The following IREB2 variants were observed in gnomAD, a reference collection of about 807,000 sequenced individuals.
The protein encoded by IREB2 is iron responsive element binding protein 2.
IREB2 carries 39 observed loss-of-function variants against 118.8 expected under a neutral mutation model. The observed-to-expected ratio is 0.33, with a 90% CI of 0.25 to 0.43. The LOEUF (loss-of-function observed/expected upper bound fraction) is 0.43. Among genes scored for constraint, IREB2 ranks in the 20% least tolerant of loss-of-function variants. IREB2 has a pLI of 1.00. For synonymous variants in IREB2, 372 were observed against 392.2 expected, an observed-to-expected ratio of 0.95 and a Z score of 0.61; for missense variants, 900 against 1,147.3, an observed-to-expected ratio of 0.78 and a Z score of 3.11.
chr15:78,466,005 G>T (rs994965636), intron 4 of IREB2, among the ~76,000 whole-genome samples: 1 of 152,130 alleles, frequency 6.6e-6, no homozygotes, highest in Non-Finnish European at 1.5e-5. Flanking sequence ...CTTGCTAAAA[G>T]TTATTTAAAT....
intron 20 of IREB2, 138 bp from the exon 21 acceptor site, chr15:78,496,988 G>C: frequency 1.6e-6 from 1 of 635,134 alleles, no homozygotes; most frequent in Non-Finnish European, 2.8e-6. Context: ...TAAATACTTT[G>C]ATAAAATATT....
chr15:78,443,910 T>G (rs2050885618), intron 2 of IREB2, among the ~76,000 whole-genome samples: 1 of 152,146 alleles, frequency 6.6e-6, no homozygotes, highest in Non-Finnish European at 1.5e-5. Flanking sequence ...CCTCCCAAAG[T>G]GCTGGGATTA....
chr15:78,453,263 G>A (rs1459783174), intron 2 of IREB2, among the ~76,000 whole-genome samples: 11 of 152,220 alleles, frequency 7.2e-5, no homozygotes, highest in Non-Finnish European at 1.2e-4. Context: ...GTGGAATCCA[G>A]TAGAAAGAGT....
Position 78,483,314 on chromosome 15 carries a change from T to C in IREB2, c.1297-4T>C. 7.4e-7 allele frequency: 1 copy of C among 1,349,674 alleles called. No homozygotes were observed. The highest frequency in any genetic ancestry group is 1.1e-6 in the Non-Finnish European group (1 of 941,480). 83.6% of individuals were successfully genotyped at this position (1,349,674 alleles called of 1,614,324 possible). A position where few individuals can be genotyped will look rare whatever the true frequency, so the allele number is the denominator to read the frequency against. On this transcript the variant is annotated splice_polypyrimidine_tract_variant and splice_region_variant and intron_variant, in intron 10 of 21. Transcript: ENST00000258886. ...CCTTGTTCTTTCTCTTTCTCATTTCTTAGGTGATCCAGATTAATCTGAATT... is the reference window on the plus strand; with the variant it reads ...CCTTGTTCTTTCTCTTTCTCATTTCCTAGGTGATCCAGATTAATCTGAATT...
chr15:78,439,212 A>T (rs749285129), intron 1 of IREB2, among the ~76,000 whole-genome samples: 1 of 152,196 alleles, frequency 6.6e-6, no homozygotes. Context: ...AGAATATGCT[A>T]ATTTCCTAGA....
At chr15:78,439,048 G>C (rs1385998615) in intron 1 of IREB2, among the ~76,000 whole-genome samples, 1 of 152,134 alleles carries the variant, frequency 6.6e-6, no homozygotes, top group Non-Finnish European at 1.5e-5. Flanking sequence ...CTGCACAAAA[G>C]ATCTGAAGGT....
Position 78,465,400 on chromosome 15 carries a change from C to T in IREB2, c.410+12C>T. The T allele has an allele frequency of 6.2e-7, 1 of 1,603,004 alleles. No individual in the cohort carries two copies. Among genetic ancestry groups the T allele is most frequent in the Non-Finnish European group, 8.5e-7 (1 of 1,174,596 alleles). ...GACTTCAGTAAATGGTACTTCAATG[C>T]AGATATTTATAGACAGCCATGCAAG... On this transcript the variant is annotated intron_variant, in intron 4 of 21. Transcript: ENST00000258886.
Position 78,500,611 on chromosome 15 carries a change from G to A in IREB2, c.*2468G>A, listed in dbSNP as rs1297459303. 1 of 150,222 alleles carries A rather than the reference G, an allele frequency of 6.7e-6. No individual in the cohort carries two copies. Among genetic ancestry groups the A allele is most frequent in the South Asian group, 2.1e-4 (1 of 4,746 alleles). 9.3% of individuals were successfully genotyped at this position (150,222 alleles called of 1,614,324 possible). A position where few individuals can be genotyped will look rare whatever the true frequency, so the allele number is the denominator to read the frequency against. On this transcript the variant is annotated 3_prime_UTR_variant, in exon 22 of 22. Transcript: ENST00000258886. ...AGCAAATCAGTGTTGTAAGCTTAAA[G>A]TACAATTTCAAAGGTCACTACCAAC...
chr15:78,497,782 C>T (rs2051862773), intron 21 of IREB2, among the ~76,000 whole-genome samples: 1 of 152,110 alleles, frequency 6.6e-6, no homozygotes, highest in African/African-American at 2.4e-5. Context: ...ATAACTTCCC[C>T]AATTAATAAG....
At chr15:78,454,024 AAGAC>A (rs1883973252) in intron 2 of IREB2, among the ~76,000 whole-genome samples, 1 of 152,228 alleles carries the variant, frequency 6.6e-6, no homozygotes, top group Admixed American at 6.5e-5. Context: ...TACTGTATAA[AAGAC>A]AGACAGTGAC....
chr15:78,489,076 G>A (rs903643331), intron 16 of IREB2, among the ~76,000 whole-genome samples: 1 of 152,104 alleles, frequency 6.6e-6, no homozygotes, highest in African/African-American at 2.4e-5. Context: ...AAAACAATTA[G>A]CCAGGCTTGG....
At chr15:78,490,937 A>G (rs1476129552) in intron 18 of IREB2, among the ~76,000 whole-genome samples, 176 bp downstream of exon 18, 1 of 151,660 alleles carries the variant, frequency 6.6e-6, no homozygotes, top group Non-Finnish European at 1.5e-5. Flanking sequence ...GGCGGGGGGT[A>G]CCTTCTGTAC....
chr15:78,463,980 C>G (rs753978778), intron 3 of IREB2, among the ~76,000 whole-genome samples: 16 of 152,234 alleles, frequency 1.1e-4, no homozygotes, highest in South Asian at 2.1e-4. Context: ...TTTTCTCTTT[C>G]TTTAATACCC....
chr15:78,438,407 C>A, intron 1 of IREB2, 51 bp downstream of exon 1: 1 of 1,573,910 alleles, frequency 6.4e-7, no homozygotes, highest in Non-Finnish European at 8.6e-7. Context: ...CGCGCGCTGC[C>A]TAGGCGCCGA....
intron 18 of IREB2, 95 bp downstream of exon 18, chr15:78,490,856 C>A: frequency 8.5e-7 from 1 of 1,170,160 alleles, no homozygotes. Context: ...CCAGTAAATA[C>A]ATGCTATCGT....
At chr15:78,438,416 G>C (rs2050788510) in intron 1 of IREB2, 60 bp downstream of exon 1, 1 of 1,558,148 alleles carries the variant, frequency 6.4e-7, no homozygotes, top group African/African-American at 1.3e-5. Flanking sequence ...CCTAGGCGCC[G>C]AATTCCTTGC....
At chr15:78,456,665 C>CA (rs10717771) in intron 2 of IREB2, among the ~76,000 whole-genome samples, 12,403 of 130,578 alleles carry the variant, frequency 0.095, 766 homozygotes, top group African/African-American at 0.19. Context: ...GTCCTTATCT[C>CA]AAAAAAAAAA....
chr15:78,465,717 T>A (rs1249915167), intron 4 of IREB2, among the ~76,000 whole-genome samples: 1 of 152,232 alleles, frequency 6.6e-6, no homozygotes, highest in Non-Finnish European at 1.5e-5. Context: ...GAGTCATGAA[T>A]GTTTTTAATT....
chr15:78,488,846 G>C (rs2051704332), intron 16 of IREB2, 75 bp downstream of exon 16: 1 of 818,896 alleles, frequency 1.2e-6, no homozygotes, highest in Admixed American at 3.0e-5. Flanking sequence ...CTTCTGAATA[G>C]AATAAAAATT....
Sources: gnomAD v4.1 joint callset for allele counts (sites outside exome capture counted in the v4.1 genomes callset) on GRCh38, gnomAD v4.1.1 for gene constraint, MANE v1.5 for transcripts, NCBI Gene and HGNC (gene_info 2026-07-23, HGNC 2026-07-21) for gene names.